The following MYO5B variants were observed in gnomAD, a reference collection of about 807,000 sequenced individuals.
The protein encoded by MYO5B is myosin VB.
In MYO5B, 143 loss-of-function variants were observed where a neutral mutation model predicts 229.3. That is an observed-to-expected ratio of 0.62 (90% confidence interval 0.54 to 0.72). The LOEUF (loss-of-function observed/expected upper bound fraction) is 0.72, where lower values mean the gene tolerates loss of function less well. Ranked by LOEUF, MYO5B falls within the 30% of genes least tolerant of loss-of-function variation. The pLI is 0.00. For missense variants in MYO5B, 2,321 were observed against 2,331.0 expected, an observed-to-expected ratio of 1.00 and a Z score of 0.09; for synonymous variants, 918 against 885.2, an observed-to-expected ratio of 1.04 and a Z score of -0.66.
At chr18:49,863,373 A>G in intron 28 of MYO5B, 46 bp from the exon 29 acceptor site, 1 of 1,535,502 alleles carries the variant, frequency 6.5e-7, no homozygotes, top group Non-Finnish European at 9.0e-7. Context: ...AACAATTGCC[A>G]CAAAATGGCT....
intron 12 of MYO5B, among the ~76,000 whole-genome samples, chr18:49,958,636 C>G (rs968986653): frequency 2.0e-5 from 3 of 152,234 alleles, no homozygotes; most frequent in African/African-American, 7.2e-5. Flanking sequence ...CCATGCTCCT[C>G]TCTCGCACCG....
chr18:50,082,711 C>T (rs115115504), intron 1 of MYO5B, among the ~76,000 whole-genome samples: 1,967 of 152,218 alleles, frequency 0.013, 35 homozygotes, highest in African/African-American at 0.045. Flanking sequence ...ACAACGCATG[C>T]TTATTTTACT....
chr18:50,077,883 C>T (rs903580622), intron 1 of MYO5B, among the ~76,000 whole-genome samples: 20 of 152,184 alleles, frequency 1.3e-4, no homozygotes, highest in African/African-American at 4.6e-4. Flanking sequence ...TACAATAACA[C>T]ATCCATTGAC....
chr18:49,847,161 G>T lies in MYO5B; in HGVS notation c.4444C>A (p.Arg1482=). ...YHKEDEALLI[R]NLVTDLKPQM... The stretch of plus-strand genomic sequence containing the variant: ...GGGTCCTTACCTGTCACCAGGTTCC[G>T]GATGAGGAGGGCCTCGTCCTCTTTG... Residue 1482 remains arginine, a synonymous_variant, in exon 33 of 40, where the codon CGG becomes AGG. Transcript: ENST00000285039. 1 of 1,614,130 alleles carries T rather than the reference G, an allele frequency of 6.2e-7. No individual in the cohort carries two copies. The highest frequency in any genetic ancestry group is 8.5e-7 in the Non-Finnish European group (1 of 1,180,036).
At chr18:50,007,987 C>T (rs1048735715) in intron 4 of MYO5B, among the ~76,000 whole-genome samples, 1 of 152,134 alleles carries the variant, frequency 6.6e-6, no homozygotes, top group Non-Finnish European at 1.5e-5. Context: ...ACTCAGGCTT[C>T]CATCTCCTTG....
At chr18:50,138,864 C>T (rs1265853313) in intron 1 of MYO5B, among the ~76,000 whole-genome samples, 2 of 152,164 alleles carry the variant, frequency 1.3e-5, no homozygotes, top group East Asian at 1.9e-4. Context: ...CCTGGGCTGG[C>T]GATTCTGCAG....
At chr18:49,945,080 T>C (rs2144228712) in intron 14 of MYO5B, among the ~76,000 whole-genome samples, 1 of 152,256 alleles carries the variant, frequency 6.6e-6, no homozygotes, top group East Asian at 1.9e-4. Flanking sequence ...TCTAATCTTC[T>C]CCCTGCCCGG....
At chr18:50,037,718 A>G (rs2029887564) in intron 3 of MYO5B, among the ~76,000 whole-genome samples, 1 of 152,158 alleles carries the variant, frequency 6.6e-6, no homozygotes, top group African/African-American at 2.4e-5. Flanking sequence ...TGGTTAACAC[A>G]GTGAGACCTC....
chr18:49,978,745 A>AC (rs1871979069), intron 9 of MYO5B, among the ~76,000 whole-genome samples: 36 of 138,458 alleles, frequency 2.6e-4, no homozygotes, highest in Admixed American at 1.7e-3. Flanking sequence ...ACACACACAC[A>AC]AAATGCTCAG....
chr18:50,114,402 G>A (rs116884711), intron 1 of MYO5B, among the ~76,000 whole-genome samples: 2,062 of 152,230 alleles, frequency 0.014, 19 homozygotes, highest in Non-Finnish European at 0.021. Flanking sequence ...ATTCAAAGCC[G>A]CACTGACTCC....
Position 49,990,422 on chromosome 18 carries a change from T to C in MYO5B, c.838+17A>G. The C allele has an allele frequency of 1.9e-6, 3 of 1,607,548 alleles. No individual in the cohort carries two copies. Among genetic ancestry groups the C allele is most frequent in the South Asian group, 1.1e-5 (1 of 90,926 alleles). On this transcript the variant is annotated intron_variant, in intron 7 of 39. Transcript: ENST00000285039. ...AGTAGCCCACCCCAGAGGATAGGCA[T>C]GCACCTGTTGACTTACTTAGTGCAA...
chr18:50,140,843 T>C (rs1248304558), intron 1 of MYO5B, among the ~76,000 whole-genome samples: 1 of 152,172 alleles, frequency 6.6e-6, no homozygotes, highest in Non-Finnish European at 1.5e-5. Context: ...GTACTTATGG[T>C]ACAGTGTTTA....
At chr18:49,875,615 G>A (rs2024510400) in intron 26 of MYO5B, 72 bp downstream of exon 26, 7 of 1,599,868 alleles carry the variant, frequency 4.4e-6, no homozygotes, top group African/African-American at 2.7e-5. Flanking sequence ...CATGCCACAT[G>A]AGCCCTGGAC....
chr18:50,160,030 C>T (rs984036102), intron 1 of MYO5B, among the ~76,000 whole-genome samples: 2 of 152,238 alleles, frequency 1.3e-5, no homozygotes, highest in East Asian at 3.8e-4. Context: ...GACGTGATGG[C>T]ATGGCCAGGG....
At position 50,048,975 on chromosome 18, in the gene MYO5B, T is replaced by C. The variant is rs1331075326; in HGVS notation, c.138+6293A>G. Among the ~76,000 whole-genome samples the C allele has an allele frequency of 4.0e-5, 6 of 148,842 alleles. No homozygotes were observed. The East Asian group carries it at 5.9e-4, about 15-fold the overall frequency. On this transcript the variant is annotated intron_variant, in intron 2 of 39. Coordinates refer to ENST00000285039, the MANE Select transcript of MYO5B (RefSeq NM_001080467.3). ...GGGCAGAGGTTGAAGTGTGCCGAGA[T>C]TGCACCACTGCACCCCAGCCTGGGC... is the stretch of plus-strand genomic sequence containing the variant.
Position 49,904,818 on chromosome 18 carries a change from G to A in MYO5B, c.2425C>T (p.His809Tyr), listed in dbSNP as rs1162274040. 1.9e-6 allele frequency: 3 copies of A among 1,613,660 alleles called. No individual in the cohort carries two copies. The African/African-American group carries it at 4.0e-5, about 22-fold the overall frequency. Residue 809 changes from histidine to tyrosine, a missense_variant, in exon 20 of 40, where the codon CAC (histidine) becomes TAC (tyrosine). By Grantham distance (83) the His-to-Tyr change is moderately conservative (BLOSUM62 2). Coordinates refer to ENST00000285039, the MANE Select transcript of MYO5B (RefSeq NM_001080467.3). The part of the protein sequence containing the change: ...RGHLARRLAE[H>Y]LRRIRAAVVL... ...ACAGCCGCTCTGATCCTCCGCAGGT[G>A]CTCAGCCAGCCTGGGGAGCAAGAGG...
chr18:49,953,937 C>CTATATATATATA lies in MYO5B; in HGVS notation c.1668+375_1668+376insTATATATATATA, dbSNP rs10641448. 3.5e-3 allele frequency among the ~76,000 whole-genome samples: 470 copies of CTATATATATATA among 135,944 alleles called. 5 individuals carry two copies. Among genetic ancestry groups the CTATATATATATA allele is most frequent in the African/African-American group, 7.7e-3 (275 of 35,780 alleles). 89.2% of individuals were successfully genotyped at this position (135,944 alleles called of 152,430 possible). A position where few individuals can be genotyped will look rare whatever the true frequency, so the allele number is the denominator to read the frequency against. On this transcript the variant is annotated intron_variant, in intron 13 of 39. Transcript: ENST00000285039. ...GTGTGTGTGTGTGTGTGTGTGTAGA[C>CTATATATATATA]TATATATATACAGACATGTGTGTGT...
chr18:49,963,757 C>T (rs529385839), intron 10 of MYO5B, among the ~76,000 whole-genome samples: 121 of 152,244 alleles, frequency 7.9e-4, no homozygotes, highest in South Asian at 3.3e-3. Context: ...TTTAACATTC[C>T]ATTGAAAACA....
intron 9 of MYO5B, among the ~76,000 whole-genome samples, chr18:49,975,942 C>G (rs1386227139): frequency 6.6e-6 from 1 of 152,250 alleles, no homozygotes; most frequent in Non-Finnish European, 1.5e-5. Context: ...ACATTTCCCA[C>G]AGGGTCTTGT....
Sources: gnomAD v4.1 joint callset for allele counts (sites outside exome capture counted in the v4.1 genomes callset) on GRCh38, gnomAD v4.1.1 for gene constraint, MANE v1.5 for transcripts, NCBI Gene and HGNC (gene_info 2026-07-23, HGNC 2026-07-21) for gene names.